Variants in PTK2 observed in about 807,000 individuals in gnomAD.
The protein encoded by PTK2 is focal adhesion kinase 1.
A neutral mutation model predicts 150.1 loss-of-function variants in PTK2; 45 were observed. The observed-to-expected ratio is 0.30, with a 90% CI of 0.24 to 0.38. PTK2 has a LOEUF of 0.38. Ranked by LOEUF, PTK2 falls within the 10% of genes least tolerant of loss-of-function variation. PTK2 has a pLI of 1.00. For missense variants in PTK2, 919 were observed against 1,307.3 expected, an observed-to-expected ratio of 0.70 and a Z score of 4.58; for synonymous variants, 432 against 449.2, an observed-to-expected ratio of 0.96 and a Z score of 0.48.
intron 1 of PTK2, among the ~76,000 whole-genome samples, chr8:140,994,303 T>C (rs2100196822): frequency 6.6e-6 from 1 of 152,178 alleles, no homozygotes; most frequent in Non-Finnish European, 1.5e-5. Flanking sequence ...CATTAGAGTA[T>C]TTATGCAAAT....
intron 7 of PTK2, among the ~76,000 whole-genome samples, chr8:140,834,551 A>G (rs2100117527): frequency 6.6e-6 from 1 of 152,202 alleles, no homozygotes; most frequent in South Asian, 2.1e-4. Context: ...TTGAAGCTAC[A>G]AAGAAAAGAG....
intron 1 of PTK2, among the ~76,000 whole-genome samples, chr8:140,959,871 C>T (rs1587482958): frequency 6.6e-6 from 1 of 151,798 alleles, no homozygotes; most frequent in Non-Finnish European, 1.5e-5. Flanking sequence ...AATAAATTAG[C>T]TGGGCATGGT....
At position 140,732,620 on chromosome 8, in the gene PTK2, C is replaced by A. The variant is rs531818953; in HGVS notation, c.2030+2631G>T. The A allele has an allele frequency of 4.0e-5, 21 of 520,738 alleles. No individual in the cohort carries two copies. The East Asian group carries it at 5.7e-4, about 14-fold the overall frequency. 32.3% of individuals were successfully genotyped at this position (520,738 alleles called of 1,614,324 possible). On this transcript the variant is annotated intron_variant, in intron 22 of 31. Transcript: ENST00000522684. ...AGCTTCAGTCTAGTAGGGGATGAGA[C>A]ATACTAGACTGTGAGCTCCTCGAGG... is the stretch of plus-strand genomic sequence containing the variant.
chr8:140,677,792 C>T (rs1378389475), intron 27 of PTK2, among the ~76,000 whole-genome samples: 1 of 152,304 alleles, frequency 6.6e-6, no homozygotes, highest in Non-Finnish European at 1.5e-5. Flanking sequence ...GTGCTTTCTA[C>T]TTCATATATC....
At chr8:140,674,898 A>AAAAAAG (rs2100012707) in intron 28 of PTK2, among the ~76,000 whole-genome samples, 1 of 150,114 alleles carries the variant, frequency 6.7e-6, no homozygotes. Flanking sequence ...ATTAAAAAAA[A>AAAAAAG]AAAAGAAAAG....
At chr8:140,672,112 G>C (rs1287091012) in intron 29 of PTK2, 1 of 446,928 alleles carries the variant, frequency 2.2e-6, no homozygotes, top group Non-Finnish European at 4.5e-6. Flanking sequence ...CTGTAAAGTT[G>C]GTTTTTCATT....
intron 14 of PTK2, among the ~76,000 whole-genome samples, chr8:140,781,311 T>C (rs1566229381): frequency 6.6e-6 from 1 of 152,222 alleles, no homozygotes; most frequent in Non-Finnish European, 1.5e-5. Context: ...TTTAAAAAGA[T>C]TGAGAAGTTT....
chr8:140,880,321 T>C (rs1481813578), intron 3 of PTK2, among the ~76,000 whole-genome samples: 1 of 152,216 alleles, frequency 6.6e-6, no homozygotes, highest in Non-Finnish European at 1.5e-5. Flanking sequence ...TCAGGGAATG[T>C]TCCCTAGAGA....
At chr8:140,698,218 T>C (rs371469633) in intron 26 of PTK2, among the ~76,000 whole-genome samples, 7 of 152,136 alleles carry the variant, frequency 4.6e-5, no homozygotes, top group East Asian at 1.9e-4. Flanking sequence ...ACCACAACAT[T>C]TGGTAGCAAA....
At chr8:140,747,183 CCCGG>C (rs2100059473) in intron 17 of PTK2, 1 of 204,656 alleles carries the variant, frequency 4.9e-6, no homozygotes, top group Non-Finnish European at 9.8e-6. Flanking sequence ...AGCCACCGCA[CCCGG>C]CCTAGTTATT....
At chr8:140,697,849 ACTG>A (rs2100027692) in intron 26 of PTK2, among the ~76,000 whole-genome samples, 1 of 54,636 alleles carries the variant, frequency 1.8e-5, no homozygotes, top group Non-Finnish European at 3.6e-5. Context: ...TTTAGGGTTT[ACTG>A]TTTTTTTTTT....
intron 1 of PTK2, among the ~76,000 whole-genome samples, chr8:140,961,931 G>T (rs980273209): frequency 5.9e-5 from 9 of 151,996 alleles, no homozygotes; most frequent in Non-Finnish European, 1.0e-4. Flanking sequence ...CTCCTCTTTT[G>T]CAATTTATTG....
At chr8:140,661,458 T>C (rs1291492547) in intron 31 of PTK2, among the ~76,000 whole-genome samples, 5 of 152,192 alleles carry the variant, frequency 3.3e-5, no homozygotes. Context: ...GTGTTGTCAC[T>C]GACTGTGGAA....
At chr8:140,882,995 G>A (rs1370533002) in intron 3 of PTK2, among the ~76,000 whole-genome samples, 4 of 152,124 alleles carry the variant, frequency 2.6e-5, no homozygotes, top group African/African-American at 7.2e-5. Context: ...TTTTACTGTT[G>A]TTATGATGGT....
intron 1 of PTK2, among the ~76,000 whole-genome samples, chr8:140,995,381 CAA>C (rs34527935): frequency 0.024 from 2,253 of 92,324 alleles, 51 homozygotes; most frequent in African/African-American, 0.084. Context: ...GACTCCGTCT[CAA>C]AAAAAAAAAA....
At chr8:140,674,969 G>A (rs2100012753) in intron 28 of PTK2, among the ~76,000 whole-genome samples, 1 of 151,310 alleles carries the variant, frequency 6.6e-6, no homozygotes, top group South Asian at 2.1e-4. Flanking sequence ...TACTCGGGAG[G>A]CTGAGGCAGG....
At chr8:140,670,485 AACAACACACACACACACACACACAC>A (rs550462221) in intron 29 of PTK2, among the ~76,000 whole-genome samples, 7,518 of 36,930 alleles carry the variant, frequency 0.2, 1,999 homozygotes, top group South Asian at 0.31. Context: ...AAAAAAAAAC[AACAACACACACACACACACACACAC>A]ACACACACAC....
chr8:140,953,109 C>G (rs2100180055), intron 1 of PTK2, among the ~76,000 whole-genome samples: 1 of 152,032 alleles, frequency 6.6e-6, no homozygotes, highest in South Asian at 2.1e-4. Context: ...AATATAATAC[C>G]TAGCTAAACC....
intron 10 of PTK2, among the ~76,000 whole-genome samples, chr8:140,816,496 C>T (rs72683757): frequency 0.13 from 19,139 of 151,994 alleles, 1,950 homozygotes; most frequent in East Asian, 0.48. Context: ...CAAGGGAGGC[C>T]GGTCTGTTTA....
Sources: allele counts gnomAD v4.1 joint callset (sites outside exome capture counted in the v4.1 genomes callset), GRCh38; gene constraint gnomAD v4.1.1; transcripts MANE v1.5; gene names NCBI Gene and HGNC (gene_info 2026-07-23, HGNC 2026-07-21).